The following TLN2 variants were observed in gnomAD, a reference collection of about 807,000 sequenced individuals.
The protein encoded by TLN2 is talin-2.
TLN2 carries 118 observed loss-of-function variants against 294.7 expected under a neutral mutation model. The observed-to-expected ratio is 0.40, with a 90% confidence interval of 0.34 to 0.47. The LOEUF (loss-of-function observed/expected upper bound fraction) is 0.47, where lower values mean the gene tolerates loss of function less well. Among genes scored for constraint, TLN2 ranks in the 20% least tolerant of loss-of-function variants. TLN2 has a pLI of 0.84. For missense variants in TLN2, 3,083 were observed against 3,282.2 expected (o/e 0.94, Z 1.48); for synonymous variants, 1,431 against 1,304.5 (o/e 1.10, Z -2.09).
chr15:62,481,519 T>C (rs1283797473), intron 1 of TLN2, among the ~76,000 whole-genome samples: 3 of 152,204 alleles, frequency 2.0e-5, no homozygotes, highest in Admixed American at 1.3e-4. Flanking sequence ...CATGCCACCA[T>C]GCCTAGCTAA....
intron 11 of TLN2, among the ~76,000 whole-genome samples, chr15:62,677,569 A>C (rs2056354803): frequency 6.6e-6 from 1 of 152,190 alleles, no homozygotes; most frequent in South Asian, 2.1e-4. Flanking sequence ...AATTTGAGAG[A>C]GAGCAAAGAT....
intron 1 of TLN2, among the ~76,000 whole-genome samples, chr15:62,515,067 G>C (rs2040118898): frequency 6.6e-6 from 1 of 152,144 alleles, no homozygotes; most frequent in African/African-American, 2.4e-5. Context: ...GTCAAATGAA[G>C]CTGCTTAGCT....
rs891929033 is a variant in TLN2, at chr15:62,770,529, G to A, written c.5197-435G>A. Among the ~76,000 whole-genome samples the A allele has an allele frequency of 3.9e-5, 6 of 152,314 alleles. 1 individual carries two copies. The highest frequency in any genetic ancestry group is 6.8e-3 in the Middle Eastern group (2 of 294). On this transcript the variant is annotated intron_variant, in intron 41 of 58. Transcript: ENST00000636159. ...AATGCTCTGGGCAAAAGGCAGTTGG[G>A]ATTGGCTTCCTACAAAGCTTTTGAA... is the stretch of plus-strand genomic sequence containing the variant.
At chr15:62,568,665 C>T (rs948914047) in intron 1 of TLN2, among the ~76,000 whole-genome samples, 5 of 152,152 alleles carry the variant, frequency 3.3e-5, no homozygotes, top group African/African-American at 1.2e-4. Context: ...TGCCCCTTGA[C>T]AGATGGAAAC....
At chr15:62,816,869 T>G (rs1056617825) in intron 52 of TLN2, among the ~76,000 whole-genome samples, 2 of 152,182 alleles carry the variant, frequency 1.3e-5, no homozygotes, top group African/African-American at 4.8e-5. Context: ...ACAAATATGG[T>G]ACAAGCCTTT....
chr15:62,458,782 A>G (rs184409514), intron 1 of TLN2, among the ~76,000 whole-genome samples: 1 of 152,002 alleles, frequency 6.6e-6, no homozygotes, highest in Admixed American at 6.6e-5. Flanking sequence ...AAGAAAAAAT[A>G]AAAAACTCAA....
At chr15:62,461,110 G>T (rs1260945928) in intron 1 of TLN2, among the ~76,000 whole-genome samples, 1 of 151,976 alleles carries the variant, frequency 6.6e-6, no homozygotes, top group South Asian at 2.1e-4. Flanking sequence ...TACCATGCCC[G>T]GCTAATTTTT....
At chr15:62,413,046 T>A (rs959305001) in intron 1 of TLN2, among the ~76,000 whole-genome samples, 1 of 152,164 alleles carries the variant, frequency 6.6e-6, no homozygotes, top group Admixed American at 6.5e-5. Flanking sequence ...GGGAGCGATG[T>A]GCCCTCGAGA....
chr15:62,692,832 C>G lies in TLN2; in HGVS notation c.1114-8C>G. 6.2e-7 allele frequency: 1 copy of G among 1,611,696 alleles called. No homozygotes were observed. On this transcript the variant is annotated splice_region_variant and splice_polypyrimidine_tract_variant and intron_variant, in intron 12 of 58. Coordinates refer to ENST00000636159, the MANE Select transcript of TLN2 (RefSeq NM_015059.3). ...TTGGCTATATTTCCTCCATTGCTGT[C>G]TTTTCAGGATTTTGGGGAGTATCAG... is the stretch of plus-strand genomic sequence containing the variant.
In TLN2 at chr15:62,471,649, C is replaced by G. The variant is rs921266015; in HGVS notation, c.-238+80964C>G. ...CAAGAACTACCCTTTTCTGCTGACA[C>G]CCCAGCCCCTTATCTGGGGCCTGGC... On this transcript the variant is annotated intron_variant, in intron 1 of 58. Transcript: ENST00000636159. Among the ~76,000 whole-genome samples, 5 of 152,290 alleles carry G rather than the reference C, an allele frequency of 3.3e-5. No individual in the cohort carries two copies. The East Asian group carries it at 9.7e-4, about 29-fold the overall frequency.
In TLN2 at chr15:62,838,853, C is replaced by T; in HGVS notation, c.7375-3C>T. On this transcript the variant is annotated splice_region_variant and splice_polypyrimidine_tract_variant and intron_variant, in intron 57 of 58. Transcript: ENST00000636159. ...TATAATGTATGTTTTGTTCACTCTCCAGGCGGCAGGAAATGCTGTGAAAAG... is the reference window on the plus strand; with the variant it reads ...TATAATGTATGTTTTGTTCACTCTCTAGGCGGCAGGAAATGCTGTGAAAAG... 6 of 1,613,904 alleles carry T rather than the reference C, an allele frequency of 3.7e-6. No individual in the cohort carries two copies. Among genetic ancestry groups the T allele is most frequent in the Non-Finnish European group, 4.2e-6 (5 of 1,179,924 alleles).
At chr15:62,546,721 A>G (rs1024406316) in intron 1 of TLN2, among the ~76,000 whole-genome samples, 1 of 152,228 alleles carries the variant, frequency 6.6e-6, no homozygotes, top group African/African-American at 2.4e-5. Context: ...CAGTGGCCAC[A>G]CAGCGAAGGC....
Position 62,666,104 on chromosome 15 carries a change from T to A in TLN2, c.789-7723T>A, listed in dbSNP as rs1302801034. Among the ~76,000 whole-genome samples, 3 of 152,324 alleles carry A rather than the reference T, an allele frequency of 2.0e-5. No homozygotes were observed. In the East Asian group the frequency reaches 5.8e-4, roughly 29 times the overall value. Reference sequence around the variant, plus strand: ...CCGCTGAGGGTATCCAGCCCTGAGCTGTCTCTGAGTTCCTGGGCAGTGGCG... The same window carrying A: ...CCGCTGAGGGTATCCAGCCCTGAGCAGTCTCTGAGTTCCTGGGCAGTGGCG... On this transcript the variant is annotated intron_variant, in intron 9 of 58. Transcript: ENST00000636159.
At chr15:62,798,663 C>G (rs1278281400) in intron 48 of TLN2, among the ~76,000 whole-genome samples, 1 of 152,222 alleles carries the variant, frequency 6.6e-6, no homozygotes, top group Non-Finnish European at 1.5e-5. Flanking sequence ...CTGGACAAAA[C>G]TGGTTAGAAA....
At chr15:62,694,189 T>A in intron 13 of TLN2, 127 bp from the exon 14 acceptor site, 1 of 676,670 alleles carries the variant, frequency 1.5e-6, no homozygotes, top group Non-Finnish European at 2.6e-6. Context: ...GTTGACCAGG[T>A]TTGTCTCGAA....
At chr15:62,436,920 G>A (rs536921184) in intron 1 of TLN2, among the ~76,000 whole-genome samples, 1 of 152,162 alleles carries the variant, frequency 6.6e-6, no homozygotes, top group Non-Finnish European at 1.5e-5. Flanking sequence ...GTAGAGACAG[G>A]GACTAACTAT....
chr15:62,612,008 C>T (rs978655934), intron 2 of TLN2, among the ~76,000 whole-genome samples: 16 of 152,270 alleles, frequency 1.1e-4, no homozygotes, highest in African/African-American at 3.6e-4. Context: ...ATGTAAAGTA[C>T]AATCCCTTTC....
intron 40 of TLN2, among the ~76,000 whole-genome samples, chr15:62,765,497 T>C (rs943946941): frequency 1.1e-4 from 16 of 152,282 alleles, no homozygotes; most frequent in African/African-American, 3.9e-4. Flanking sequence ...CAGAGTTCAC[T>C]CAATTCCATG....
At chr15:62,551,535 C>G (rs1194725603) in intron 1 of TLN2, among the ~76,000 whole-genome samples, 5 of 151,776 alleles carry the variant, frequency 3.3e-5, no homozygotes. Context: ...CACACACACA[C>G]ACACACACAC....
Sources: allele counts gnomAD v4.1 joint callset (sites outside exome capture counted in the v4.1 genomes callset), GRCh38; gene constraint gnomAD v4.1.1; transcripts MANE v1.5; gene names NCBI Gene and HGNC (gene_info 2026-07-23, HGNC 2026-07-21).